TMEFF1: variants seen among roughly 807,000 people sequenced by gnomAD.
TMEFF1 encodes the protein transmembrane protein with EGF like and two follistatin like domains 1, also known as tomoregulin-1.
A neutral mutation model predicts 47.5 loss-of-function variants in TMEFF1; 20 were observed. That is an observed-to-expected ratio of 0.42 (90% CI 0.30 to 0.61). TMEFF1 has a LOEUF of 0.61. TMEFF1 is among the 20% of genes least tolerant of loss of function. TMEFF1 has a pLI of 0.19. For synonymous variants in TMEFF1, 162 were observed against 166.3 expected, an observed-to-expected ratio of 0.97 and a Z score of 0.20; for missense variants, 411 against 471.1, an observed-to-expected ratio of 0.87 and a Z score of 1.18.
At chr9:100,536,688 T>A (rs1375981719) in intron 5 of TMEFF1, among the ~76,000 whole-genome samples, 1 of 152,190 alleles carries the variant, frequency 6.6e-6, no homozygotes, top group Non-Finnish European at 1.5e-5. Flanking sequence ...AACCTCTTTT[T>A]CTTTTTTGGT....
At chr9:100,485,911 C>T (rs547085418) in intron 1 of TMEFF1, among the ~76,000 whole-genome samples, 82 of 152,234 alleles carry the variant, frequency 5.4e-4, no homozygotes, top group African/African-American at 1.8e-3. Context: ...CATGTATTTT[C>T]CATGGCTCAG....
intron 5 of TMEFF1, among the ~76,000 whole-genome samples, chr9:100,526,098 C>G (rs1838248899): frequency 6.6e-6 from 1 of 152,180 alleles, no homozygotes; most frequent in Non-Finnish European, 1.5e-5. Flanking sequence ...CAGAACTTTG[C>G]AAGTGCATAA....
At position 100,555,396 on chromosome 9, in the gene TMEFF1, G is replaced by T. The variant is rs911847712; in HGVS notation, c.775+5236G>T. On this transcript the variant is annotated intron_variant, in intron 7 of 9. Coordinates refer to ENST00000374879, the MANE Select transcript of TMEFF1 (RefSeq NM_003692.5). ...CTTTTTATCTTTCCTTTTTGAAGTTGGCTAATTTACTTGGCCTGGAGAGCA... is the reference window on the plus strand; with the variant it reads ...CTTTTTATCTTTCCTTTTTGAAGTTTGCTAATTTACTTGGCCTGGAGAGCA... Among the ~76,000 whole-genome samples, 6 of 152,196 alleles carry T rather than the reference G, an allele frequency of 3.9e-5. No individual in the cohort carries two copies. In the South Asian group the frequency reaches 1.2e-3, roughly 32 times the overall value.
In TMEFF1 at chr9:100,541,875, C is replaced by G. The variant is rs150450996; in HGVS notation, c.561-5869C>G. On this transcript the variant is annotated intron_variant, in intron 5 of 9. Transcript: ENST00000374879. ...TAAATATAACCATACGAGGTTTCTT[C>G]TATACCCAGGGTGATGTATCTCTTT... 3.6e-3 allele frequency among the ~76,000 whole-genome samples: 543 copies of G among 152,218 alleles called. 1 individual carries two copies. The highest frequency in any genetic ancestry group is 0.012 in the African/African-American group (511 of 41,556).
chr9:100,573,647 T>C (rs1839290923), intron 9 of TMEFF1, among the ~76,000 whole-genome samples: 1 of 152,226 alleles, frequency 6.6e-6, no homozygotes, highest in Middle Eastern at 3.2e-3. Context: ...CAAATACAGA[T>C]ATTGGCAGGC....
chr9:100,483,998 T>C (rs1837398633), intron 1 of TMEFF1, among the ~76,000 whole-genome samples: 1 of 152,222 alleles, frequency 6.6e-6, no homozygotes, highest in African/African-American at 2.4e-5. Flanking sequence ...ACATATACAT[T>C]GAACATTATT....
chr9:100,543,421 C>T (rs996938546), intron 5 of TMEFF1, among the ~76,000 whole-genome samples: 4 of 151,362 alleles, frequency 2.6e-5, no homozygotes, highest in Non-Finnish European at 5.9e-5. Context: ...TTTTAAAAAT[C>T]GATTTGTTCT....
In TMEFF1 at chr9:100,473,765, A is replaced by G. The variant is rs1837165646; in HGVS notation, c.196+25A>G. 5 of 1,465,414 alleles carry G rather than the reference A, an allele frequency of 3.4e-6. No individual in the cohort carries two copies. Among genetic ancestry groups the G allele is most frequent in the South Asian group, 1.3e-5 (1 of 75,476 alleles). 90.8% of individuals were successfully genotyped at this position (1,465,414 alleles called of 1,614,324 possible). A position where few individuals can be genotyped will look rare whatever the true frequency, so the allele number is the denominator to read the frequency against. ...GGTAGGACCGGTCGGAGCCGGCCCT[A>G]GGTCTTCCCACCCCTCCGTTGCCGC... On this transcript the variant is annotated intron_variant, in intron 1 of 9. Transcript: ENST00000374879. The surrounding 1 kb of genome is among the most constrained non-coding windows in gnomAD (Gnocchi z 5.4).
chr9:100,569,010 GTTA>G (rs1241966445), intron 8 of TMEFF1, among the ~76,000 whole-genome samples: 4 of 151,994 alleles, frequency 2.6e-5, no homozygotes, highest in Admixed American at 2.6e-4. Flanking sequence ...CCACTTTATG[GTTA>G]TTATGAAAAA....
At chr9:100,551,118 A>G (rs938635460) in intron 7 of TMEFF1, among the ~76,000 whole-genome samples, 8 of 152,338 alleles carry the variant, frequency 5.3e-5, no homozygotes, top group Middle Eastern at 3.4e-3. Flanking sequence ...TGCATCATCT[A>G]TCCATTTGTT....
rs946577142 is a variant in TMEFF1, at chr9:100,473,605, T to G, written c.61T>G (p.Cys21Gly). 6.4e-7 allele frequency: 1 copy of G among 1,557,748 alleles called. No homozygotes were observed. Among genetic ancestry groups the G allele is most frequent in the East Asian group, 2.4e-5 (1 of 41,512 alleles). ...RLPAAPPLAF[C>G]CYTSVLLLFA... ...GCCTGCCGCGCCTCCGCTCGCCTTC[T>G]GCTGCTACACGTCGGTGCTTCTGCT... is the stretch of plus-strand genomic sequence containing the variant. Residue 21 changes from cysteine (C) to glycine (G), a missense_variant, in exon 1 of 10, where the codon TGC becomes GGC. Transcript: ENST00000374879. This position sits in a 1 kb window ranked among gnomAD's most constrained non-coding sequence, Gnocchi z 5.4.
chr9:100,506,441 C>T (rs1196833451), intron 2 of TMEFF1, among the ~76,000 whole-genome samples: 1 of 151,718 alleles, frequency 6.6e-6, no homozygotes, highest in Non-Finnish European at 1.5e-5. Flanking sequence ...TTACAGTTAG[C>T]TTTGTGGAAT....
At chr9:100,556,109 T>A (rs1395164605) in intron 7 of TMEFF1, among the ~76,000 whole-genome samples, 1 of 152,228 alleles carries the variant, frequency 6.6e-6, no homozygotes, top group African/African-American at 2.4e-5. Flanking sequence ...TAACACTTGT[T>A]CTCGAGCCTG....
chr9:100,551,447 C>T (rs1398614452), intron 7 of TMEFF1, among the ~76,000 whole-genome samples: 3 of 152,130 alleles, frequency 2.0e-5, no homozygotes, highest in Admixed American at 6.5e-5. Context: ...CCTGTATTCT[C>T]GTAGGAGACA....
chr9:100,559,464 T>C (rs1373052886), intron 7 of TMEFF1, among the ~76,000 whole-genome samples: 2 of 152,176 alleles, frequency 1.3e-5, no homozygotes, highest in African/African-American at 4.8e-5. Flanking sequence ...ACTTGAAATG[T>C]GGCTAGTCAG....
At chr9:100,496,743 T>TCATA (rs1837656944) in intron 1 of TMEFF1, among the ~76,000 whole-genome samples, 1 of 152,198 alleles carries the variant, frequency 6.6e-6, no homozygotes, top group African/African-American at 2.4e-5. Flanking sequence ...AAGTAGCAAA[T>TCATA]CATAACTCAG....
intron 2 of TMEFF1, among the ~76,000 whole-genome samples, chr9:100,501,297 C>A (rs1418774567): frequency 1.3e-5 from 2 of 152,160 alleles, no homozygotes; most frequent in Non-Finnish European, 2.9e-5. Flanking sequence ...TGTCCTGTTT[C>A]CCCTCAACCT....
At chr9:100,556,529 A>G (rs1587854111) in intron 7 of TMEFF1, among the ~76,000 whole-genome samples, 3 of 152,118 alleles carry the variant, frequency 2.0e-5, no homozygotes, top group South Asian at 2.1e-4. Flanking sequence ...GGGAGAGGGT[A>G]AACAGATGTG....
intron 7 of TMEFF1, among the ~76,000 whole-genome samples, chr9:100,552,883 C>G (rs1357299366): frequency 6.6e-6 from 1 of 150,652 alleles, no homozygotes; most frequent in African/African-American, 2.4e-5. Context: ...AAAAAGCATT[C>G]TAGCCCTATT....
Sources: gnomAD v4.1 joint callset for allele counts (sites outside exome capture counted in the v4.1 genomes callset) on GRCh38, gnomAD v4.1.1 for gene constraint, Gnocchi (gnomAD v3.1) non-coding constraint, MANE v1.5 for transcripts, NCBI Gene and HGNC (gene_info 2026-07-23, HGNC 2026-07-21) for gene names.